Variants in DOCK6 observed in about 807,000 individuals in gnomAD.
The protein encoded by DOCK6 is dedicator of cytokinesis 6, also known as dedicator of cytokinesis protein 6.
DOCK6 carries 167 observed loss-of-function variants against 230.3 expected under a neutral mutation model. The observed-to-expected ratio is 0.73, with a 90% CI of 0.64 to 0.82. DOCK6 has a LOEUF of 0.82. Among genes scored for constraint, DOCK6 ranks in the 40% least tolerant of loss-of-function variants. DOCK6 has a pLI of 0.00. For synonymous variants in DOCK6, 1,148 were observed against 1,185.0 expected, an observed-to-expected ratio of 0.97 and a Z score of 0.64; for missense variants, 2,598 against 2,825.8, an observed-to-expected ratio of 0.92 and a Z score of 1.83.
At chr19:11,216,287 C>G in intron 30 of DOCK6, 1 of 187,212 alleles carries the variant, frequency 5.3e-6, no homozygotes, top group Non-Finnish European at 1.1e-5. Flanking sequence ...GGGGTTTTAC[C>G]ATGCTGCCCA....
intron 28 of DOCK6, 21 bp from the exon 29 acceptor site, chr19:11,217,412 G>A (rs1311566746): frequency 4.4e-6 from 7 of 1,607,826 alleles, no homozygotes; most frequent in Non-Finnish European, 5.9e-6. Context: ...AAGACAGAGG[G>A]AAAGAAAGAT....
rs1174164317 is a variant in DOCK6, at chr19:11,199,489, T to C, written c.*8A>G. ...GTTCCTCTAGGTACAGCTTTGGTCC[T>C]TGTGGGCTCAGAGGTCTGCCTTTCG... On this transcript the variant is annotated 3_prime_UTR_variant, in exon 48 of 48. Transcript: ENST00000294618. The C allele has an allele frequency of 1.5e-5, 24 of 1,579,350 alleles. No homozygotes were observed. The highest frequency in any genetic ancestry group is 2.0e-5 in the Non-Finnish European group (23 of 1,162,550).
At chr19:11,239,928 G>A in intron 14 of DOCK6, 1 of 1,582,582 alleles carries the variant, frequency 6.3e-7, no homozygotes, top group Non-Finnish European at 8.6e-7. Flanking sequence ...GCCTGTTGGA[G>A]ACTCAGGTGG....
At chr19:11,242,329 C>T (rs1378673198) in intron 13 of DOCK6, 122 bp from the exon 14 acceptor site, 3 of 1,086,476 alleles carry the variant, frequency 2.8e-6, no homozygotes, top group Non-Finnish European at 3.6e-6. Flanking sequence ...GGGCTGTGTC[C>T]CTCAGGCGCC....
At chr19:11,228,085 A>C (rs2079699156) in intron 23 of DOCK6, among the ~76,000 whole-genome samples, 1 of 142,790 alleles carries the variant, frequency 7.0e-6, no homozygotes, top group African/African-American at 2.6e-5. Flanking sequence ...ATCTTGACTC[A>C]CTGCAACCTC....
At position 11,215,344 on chromosome 19, in the gene DOCK6, A is replaced by T. The variant is rs755196744; in HGVS notation, c.4106+43T>A. ...TCAAGCAATCCTCCTGCCTCGGCCC[A>T]AACTGTTCTGAACTCAGCAGACACC... On this transcript the variant is annotated intron_variant, in intron 32 of 47. Transcript: ENST00000294618. 4 of 1,580,250 alleles carry T rather than the reference A, an allele frequency of 2.5e-6. No homozygotes were observed. In the South Asian group the frequency reaches 4.4e-5, roughly 18 times the overall value.
intron 30 of DOCK6, chr19:11,216,291 CT>C: frequency 5.6e-6 from 1 of 178,218 alleles, no homozygotes; most frequent in South Asian, 1.3e-4. Flanking sequence ...TTTTACCATG[CT>C]GCCCAGGCTG....
rs1362220748 is a variant in DOCK6 at position 11,201,161 on chromosome 19, C to A, written c.5689-109G>T. ...CTGGGAGTGAGAGGGGTCCAAGAAC[C>A]CAGGCAATGAACAGAATCTGGGGGC... On this transcript the variant is annotated intron_variant, in intron 44 of 47. Coordinates refer to ENST00000294618, the MANE Select transcript of DOCK6 (RefSeq NM_020812.4). This position sits in a 1 kb window ranked among gnomAD's most constrained non-coding sequence, Gnocchi z 4.3. 1 of 1,385,540 alleles carries A rather than the reference C, an allele frequency of 7.2e-7. No individual in the cohort carries two copies. Among genetic ancestry groups the A allele is most frequent in the African/African-American group, 1.4e-5 (1 of 69,792 alleles). The allele number at this position is 1,385,540 out of a possible 1,614,324, so 85.8% of individuals were successfully genotyped here.
chr19:11,242,956 C>T lies in DOCK6; in HGVS notation c.1480+103G>A, dbSNP rs545502544. On this transcript the variant is annotated intron_variant, in intron 13 of 47. Transcript: ENST00000294618. Reference sequence around the variant, plus strand: ...TCAGGGATTTGTCCATCATGGTCATCGTTGGGTCTCTGATGCCCCTGGCAC... The same window carrying T: ...TCAGGGATTTGTCCATCATGGTCATTGTTGGGTCTCTGATGCCCCTGGCAC... 567 of 1,319,776 alleles carry T rather than the reference C, an allele frequency of 4.3e-4. 1 individual carries two copies. The highest frequency in any genetic ancestry group is 5.5e-4 in the Non-Finnish European group (505 of 924,954). 81.8% of individuals were successfully genotyped at this position (1,319,776 alleles called of 1,614,324 possible).
intron 37 of DOCK6, among the ~76,000 whole-genome samples, chr19:11,210,724 C>T (rs1471812159): frequency 6.7e-6 from 1 of 149,494 alleles, no homozygotes; most frequent in African/African-American, 2.5e-5. Flanking sequence ...CATCCTTTCA[C>T]TGTCTCTTCA....
Position 11,221,893 on chromosome 19 carries a change from A to C in DOCK6, c.3508T>G (p.Ser1170Ala). Residue 1170 changes from serine to alanine, a missense_variant, in exon 28 of 48, where the codon TCG (serine) becomes GCG (alanine). Ser to Ala is a moderately conservative substitution (Grantham distance 99). Transcript: ENST00000294618. ...CGTGGCAAGGTATCCCGTGCAATCGATAGCAGTGGCAGGTACAGCTCGGCC... is the reference window on the plus strand; with the variant it reads ...CGTGGCAAGGTATCCCGTGCAATCGCTAGCAGTGGCAGGTACAGCTCGGCC... ...RVAELYLPLL[S>A]IARDTLPRLH... 2 of 1,613,786 alleles carry C rather than the reference A, an allele frequency of 1.2e-6. No individual in the cohort carries two copies. The highest frequency in any genetic ancestry group is 1.7e-6 in the Non-Finnish European group (2 of 1,179,900).
In DOCK6 at chr19:11,200,043, A is replaced by C. The variant is rs1444246416; in HGVS notation, c.6101+265T>G. On this transcript the variant is annotated intron_variant, in intron 47 of 47. Coordinates refer to ENST00000294618, the MANE Select transcript of DOCK6 (RefSeq NM_020812.4). The surrounding 1 kb of genome is among the most constrained non-coding windows in gnomAD (Gnocchi z 4.3). ...CAGATGCCTGTAATCCCAGTTACTC[A>C]GGAGGCTGAGGCAGGAGACTCGCTT... 1.3e-5 allele frequency among the ~76,000 whole-genome samples: 2 copies of C among 151,260 alleles called. No individual in the cohort carries two copies. Among genetic ancestry groups the C allele is most frequent in the Non-Finnish European group, 2.9e-5 (2 of 67,876 alleles).
In DOCK6 at chr19:11,200,788, T is replaced by G. The variant is rs576558929; in HGVS notation, c.5867A>C (p.Glu1956Ala). The G allele has an allele frequency of 1.2e-6, 2 of 1,613,144 alleles. No homozygotes were observed. The highest frequency in any genetic ancestry group is 1.7e-6 in the Non-Finnish European group (2 of 1,179,244). Reference sequence around the variant, plus strand: ...GAAGAGCTTGGGGTCTTCCGGGATCTCTGCTAAAAACACCTGGGCCACCTC... The same window carrying G: ...GAAGAGCTTGGGGTCTTCCGGGATCGCTGCTAAAAACACCTGGGCCACCTC... The part of the protein sequence containing the change: ...PLEVAQVFLA[E>A]IPEDPKLFRH... The change falls in exon 46 of 48, where the codon GAG becomes GCG. Residue 1956 changes from glutamate to alanine, a missense_variant. Glu to Ala is a moderately radical substitution (Grantham distance 107). Transcript: ENST00000294618. This position sits in a 1 kb window ranked among gnomAD's most constrained non-coding sequence, Gnocchi z 4.3.
chr19:11,237,921 G>A, intron 16 of DOCK6, 124 bp downstream of exon 16: 1 of 1,416,200 alleles, frequency 7.1e-7, no homozygotes, highest in Admixed American at 2.0e-5. Flanking sequence ...AGCACTCTGG[G>A]AGCCTCTACC....
At chr19:11,216,710 C>T (rs2079493963) in intron 30 of DOCK6, 1 of 604,968 alleles carries the variant, frequency 1.7e-6, no homozygotes, top group African/African-American at 1.9e-5. Context: ...CACCCGGCCT[C>T]CACCTTCCAA....
intron 28 of DOCK6, 81 bp from the exon 29 acceptor site, chr19:11,217,472 C>T (rs1473601695): frequency 6.5e-7 from 1 of 1,527,368 alleles, no homozygotes. Context: ...AGTCTTCCCT[C>T]ATGGCCAGGC....
rs754301117 is a variant in DOCK6, at chr19:11,214,452, G to T, written c.4204-43C>A. 6 of 1,613,602 alleles carry T rather than the reference G, an allele frequency of 3.7e-6. No homozygotes were observed. In the African/African-American group the frequency reaches 5.3e-5, roughly 14 times the overall value. On this transcript the variant is annotated intron_variant, in intron 33 of 47. Transcript: ENST00000294618. ...AGAAATCCAGGTGTTAGAGCCTAGG[G>T]TGGTTATGGGGAAAGGGAAGGAGAG...
Position 11,243,144 on chromosome 19 carries a change from C to G in DOCK6, c.1395G>C (p.Glu465Asp), listed in dbSNP as rs776704803. Residue 465 changes from glutamate (E) to aspartate (D), a missense_variant, in exon 13 of 48, where the codon GAG becomes GAC. By Grantham distance (45) the Glu-to-Asp change is conservative. Coordinates refer to ENST00000294618, the MANE Select transcript of DOCK6 (RefSeq NM_020812.4). The surrounding 1 kb of genome is among the most constrained non-coding windows in gnomAD (Gnocchi z 6.3). ...TVTNFFKQEA[E>D]RLSDEDLFKF... ...TGAAGAGGTCCTCGTCACTGAGTCGCTCAGCCTCCTACATGGGACCCACTC... is the reference window on the plus strand; with the variant it reads ...TGAAGAGGTCCTCGTCACTGAGTCGGTCAGCCTCCTACATGGGACCCACTC... The G allele has an allele frequency of 1.9e-6, 3 of 1,613,910 alleles. No homozygotes were observed. In the East Asian group the frequency reaches 6.7e-5, roughly 36 times the overall value.
At chr19:11,248,597 G>T (rs1022502182) in intron 6 of DOCK6, among the ~76,000 whole-genome samples, 8 of 152,072 alleles carry the variant, frequency 5.3e-5, no homozygotes, top group African/African-American at 1.9e-4. Context: ...GACCCCTGAG[G>T]CCTGGGCAGG....
Sources: allele counts gnomAD v4.1 joint callset (sites outside exome capture counted in the v4.1 genomes callset), GRCh38; gene constraint gnomAD v4.1.1; non-coding constraint Gnocchi (gnomAD v3.1); transcripts MANE v1.5; gene names NCBI Gene and HGNC (gene_info 2026-07-23, HGNC 2026-07-21).